The following MTBP variants were observed in gnomAD, a reference collection of about 807,000 sequenced individuals.
MTBP encodes the protein MDM2 binding protein.
In MTBP, 101 loss-of-function variants were observed where a neutral mutation model predicts 117.0. The observed-to-expected ratio is 0.86, with a 90% CI of 0.73 to 1.02. The LOEUF is 1.02. Ranked by LOEUF, MTBP falls within the 50% of genes least tolerant of loss-of-function variation. The pLI is 0.00. For synonymous variants in MTBP, 350 were observed against 351.5 expected (o/e 1.00, Z 0.05); for missense variants, 970 against 1,030.9 (o/e 0.94, Z 0.81).
intron 11 of MTBP, among the ~76,000 whole-genome samples, chr8:120,486,460 T>C (rs1368024756): frequency 6.6e-6 from 1 of 152,134 alleles, no homozygotes; most frequent in Admixed American, 6.5e-5. Flanking sequence ...GGTGAAGACA[T>C]TTGGGTGCCT....
At chr8:120,484,647 T>C (rs745984825) in intron 11 of MTBP, among the ~76,000 whole-genome samples, 13 of 152,250 alleles carry the variant, frequency 8.5e-5, no homozygotes, top group Non-Finnish European at 1.8e-4. Flanking sequence ...TACAGTTTTA[T>C]TGAGATATAA....
intron 10 of MTBP, among the ~76,000 whole-genome samples, chr8:120,467,018 A>G (rs1324962822): frequency 1.3e-5 from 2 of 152,196 alleles, no homozygotes; most frequent in Non-Finnish European, 2.9e-5. Context: ...AGAAACTTTC[A>G]TGGTGCTTAA....
intron 7 of MTBP, among the ~76,000 whole-genome samples, chr8:120,457,843 G>T (rs533199003): frequency 6.6e-5 from 10 of 151,374 alleles, no homozygotes; most frequent in African/African-American, 1.7e-4. Context: ...TGAGGCAGGA[G>T]AATGAGGCAG....
At chr8:120,468,902 A>G (rs1586946924) in intron 10 of MTBP, among the ~76,000 whole-genome samples, 1 of 152,104 alleles carries the variant, frequency 6.6e-6, no homozygotes, top group Non-Finnish European at 1.5e-5. Context: ...GTCATCGCCC[A>G]CTTTTCATCA....
At chr8:120,484,170 A>T (rs1160208700) in intron 11 of MTBP, among the ~76,000 whole-genome samples, 1 of 152,152 alleles carries the variant, frequency 6.6e-6, no homozygotes, top group East Asian at 1.9e-4. Context: ...GAAGATATAT[A>T]TATAAGTTGA....
Position 120,518,742 on chromosome 8 carries a change from C to A in MTBP, c.2535C>A (p.His845Gln), listed in dbSNP as rs763714457. ...TAGTTACTGAAACCCTGAAGAAACACAGTATTACCGAGACTCATGAATGTT... is the reference window on the plus strand; with the variant it reads ...TAGTTACTGAAACCCTGAAGAAACAAAGTATTACCGAGACTCATGAATGTT... ...KEVVTETLKKHSITETHECFT... is the reference protein window; with the variant it reads ...KEVVTETLKKQSITETHECFT... The change falls in exon 20 of 22, where the codon CAC becomes CAA. Residue 845 changes from histidine (H) to glutamine (Q), a missense_variant. His to Gln is a conservative substitution (Grantham distance 24). Coordinates refer to ENST00000305949, the MANE Select transcript of MTBP (RefSeq NM_022045.5). The A allele has an allele frequency of 6.2e-7, 1 of 1,611,206 alleles. No homozygotes were observed. Among genetic ancestry groups the A allele is most frequent in the East Asian group, 2.2e-5 (1 of 44,744 alleles).
intron 11 of MTBP, 181 bp downstream of exon 11, chr8:120,471,118 C>T (rs1394045680): frequency 6.0e-6 from 3 of 502,266 alleles, no homozygotes; most frequent in African/African-American, 5.9e-5. Flanking sequence ...TAAAGTATCT[C>T]TAACCATATT....
At chr8:120,507,287 A>G (rs1180463290) in intron 16 of MTBP, among the ~76,000 whole-genome samples, 1 of 152,160 alleles carries the variant, frequency 6.6e-6, no homozygotes, top group Non-Finnish European at 1.5e-5. Context: ...CTTTCACCTG[A>G]AGAACAGGAA....
At position 120,508,107 on chromosome 8, in the gene MTBP, C is replaced by T. The variant is rs373295579; in HGVS notation, c.1883+1246C>T. ...TCAATGTTAGTAAAGAACTGCATGG[C>T]TATCAAATGTATCTTCTGTTAACAT... On this transcript the variant is annotated intron_variant, in intron 16 of 21. Coordinates refer to ENST00000305949, the MANE Select transcript of MTBP (RefSeq NM_022045.5). 7.3e-4 allele frequency among the ~76,000 whole-genome samples: 111 copies of T among 152,198 alleles called. 1 individual carries two copies. Among genetic ancestry groups the T allele is most frequent in the African/African-American group, 2.6e-3 (106 of 41,550 alleles).
Position 120,517,912 on chromosome 8 carries a change from T to C in MTBP, c.2308T>C (p.Tyr770His). The change falls in exon 19 of 22, where the codon TAT becomes CAT. Residue 770 changes from tyrosine (Y) to histidine (H), a missense_variant. By Grantham distance (83) the Tyr-to-His change is moderately conservative (BLOSUM62 2). Coordinates refer to ENST00000305949, the MANE Select transcript of MTBP (RefSeq NM_022045.5). ...LSQTTGNSNH[Y>H]HHHVTSRKPQ... ...TCAGACAACTGGTAATAGTAATCACTATCATCATCATGTGACATCCAGAAA... is the reference window on the plus strand; with the variant it reads ...TCAGACAACTGGTAATAGTAATCACCATCATCATCATGTGACATCCAGAAA... The C allele has an allele frequency of 6.2e-7, 1 of 1,611,436 alleles. No individual in the cohort carries two copies. The highest frequency in any genetic ancestry group is 1.1e-5 in the South Asian group (1 of 91,018).
At chr8:120,493,538 T>G (rs1372590822) in intron 13 of MTBP, among the ~76,000 whole-genome samples, 1 of 151,918 alleles carries the variant, frequency 6.6e-6, no homozygotes, top group Non-Finnish European at 1.5e-5. Context: ...TCACCCAGGC[T>G]GGAGTGCAGT....
At chr8:120,448,688 T>C (rs144177074) in intron 2 of MTBP, among the ~76,000 whole-genome samples, 14 of 152,278 alleles carry the variant, frequency 9.2e-5, no homozygotes, top group African/African-American at 2.9e-4. Flanking sequence ...AACTATGCAG[T>C]TATAGTTAGT....
intron 12 of MTBP, among the ~76,000 whole-genome samples, chr8:120,490,032 A>G (rs567080951): frequency 2.0e-5 from 3 of 152,322 alleles, no homozygotes; most frequent in South Asian, 4.1e-4. Flanking sequence ...GGCTAAGGCT[A>G]TCATGGGACC....
Position 120,445,586 on chromosome 8 carries a change from C to G in MTBP, c.116C>G (p.Pro39Arg), listed in dbSNP as rs144565542. The change falls in exon 1 of 22, where the codon CCG (proline) becomes CGG (arginine). Residue 39 changes from proline to arginine, a missense_variant and splice_region_variant. By Grantham distance (103) the Pro-to-Arg change is moderately radical. Coordinates refer to ENST00000305949, the MANE Select transcript of MTBP (RefSeq NM_022045.5). Reference sequence around the variant, plus strand: ...TCGGGTGAGGGTACTGAGAATCAGCCGGGTAAGCGCTGGGATGAGAAAGAG... The same window carrying G: ...TCGGGTGAGGGTACTGAGAATCAGCGGGGTAAGCGCTGGGATGAGAAAGAG... Reference protein sequence around the residue: ...VSSGEGTENQPDFTAANVYHL... With the variant: ...VSSGEGTENQRDFTAANVYHL... The G allele has an allele frequency of 3.7e-6, 6 of 1,603,494 alleles. No individual in the cohort carries two copies. The highest frequency in any genetic ancestry group is 5.1e-6 in the Non-Finnish European group (6 of 1,175,560).
intron 13 of MTBP, among the ~76,000 whole-genome samples, chr8:120,495,973 A>G (rs1563800345): frequency 6.6e-6 from 1 of 152,132 alleles, no homozygotes; most frequent in Non-Finnish European, 1.5e-5. Context: ...CCCCCCCAAC[A>G]TTTGAACCAA....
At chr8:120,476,675 C>T (rs1321858697) in intron 11 of MTBP, among the ~76,000 whole-genome samples, 3 of 152,000 alleles carry the variant, frequency 2.0e-5, no homozygotes, top group Non-Finnish European at 4.4e-5. Context: ...GAATAAAATA[C>T]CTAGGAATAC....
intron 15 of MTBP, among the ~76,000 whole-genome samples, chr8:120,504,251 T>C (rs1288891561): frequency 6.6e-6 from 1 of 152,198 alleles, no homozygotes; most frequent in African/African-American, 2.4e-5. Flanking sequence ...CCTCAATTTC[T>C]TGCCTACCAA....
intron 17 of MTBP, among the ~76,000 whole-genome samples, chr8:120,513,463 C>T (rs1205764413): frequency 6.6e-6 from 1 of 151,950 alleles, no homozygotes; most frequent in African/African-American, 2.4e-5. Context: ...TGCCCCTTGC[C>T]TCTCTGTTTC....
Position 120,463,888 on chromosome 8 carries a change from T to C in MTBP, c.1047+127T>C, listed in dbSNP as rs1586943977. On this transcript the variant is annotated intron_variant, in intron 10 of 21. Transcript: ENST00000305949. Reference sequence around the variant, plus strand: ...ATGACTTGGTTTCTTTAATGTAATATAGGATAATTTTGGTCCTAACTCATA... The same window carrying C: ...ATGACTTGGTTTCTTTAATGTAATACAGGATAATTTTGGTCCTAACTCATA... 3 of 848,392 alleles carry C rather than the reference T, an allele frequency of 3.5e-6. No homozygotes were observed. In the East Asian group the frequency reaches 7.4e-5, roughly 21 times the overall value. 52.6% of individuals were successfully genotyped at this position (848,392 alleles called of 1,614,324 possible). A position where few individuals can be genotyped will look rare whatever the true frequency, so the allele number is the denominator to read the frequency against.
Sources: gnomAD v4.1 joint callset for allele counts (sites outside exome capture counted in the v4.1 genomes callset) on GRCh38, gnomAD v4.1.1 for gene constraint, MANE v1.5 for transcripts, NCBI Gene and HGNC (gene_info 2026-07-23, HGNC 2026-07-21) for gene names.